The following PDZRN4 variants were observed in gnomAD, a reference collection of about 807,000 sequenced individuals.
PDZRN4 encodes the protein PDZ domain-containing RING finger protein 4.
A neutral mutation model predicts 99.0 loss-of-function variants in PDZRN4; 70 were observed. That is an observed-to-expected ratio of 0.71 (90% confidence interval 0.58 to 0.86). The LOEUF (loss-of-function observed/expected upper bound fraction) is 0.86, where lower values mean the gene tolerates loss of function less well. Ranked by LOEUF, PDZRN4 falls within the 40% of genes least tolerant of loss-of-function variation. PDZRN4 has a pLI of 0.00. For missense variants in PDZRN4, 1,474 were observed against 1,331.2 expected (o/e 1.11, Z -1.67); for synonymous variants, 551 against 501.6 (o/e 1.10, Z -1.32).
intron 3 of PDZRN4, among the ~76,000 whole-genome samples, chr12:41,343,329 T>A (rs1462624572): frequency 2.0e-5 from 3 of 152,032 alleles, no homozygotes; most frequent in African/African-American, 7.2e-5. Flanking sequence ...TACTTGAAAC[T>A]TCTCTCTTCT....
At chr12:41,473,756 T>C (rs1372143671) in intron 3 of PDZRN4, among the ~76,000 whole-genome samples, 1 of 152,200 alleles carries the variant, frequency 6.6e-6, no homozygotes, top group African/African-American at 2.4e-5. Flanking sequence ...CTCTACCTCT[T>C]ATATCCAGTG....
chr12:41,410,532 A>G (rs1300710011), intron 3 of PDZRN4, among the ~76,000 whole-genome samples: 1 of 152,204 alleles, frequency 6.6e-6, no homozygotes, highest in Non-Finnish European at 1.5e-5. Context: ...GCCAGGCTGA[A>G]GTGAAATGCT....
intron 3 of PDZRN4, among the ~76,000 whole-genome samples, chr12:41,426,867 C>A (rs145953805): frequency 1.3e-5 from 2 of 152,090 alleles, no homozygotes; most frequent in African/African-American, 4.8e-5. Context: ...CTGTGGGATG[C>A]GTAAAAATGC....
chr12:41,572,637 C>G lies in PDZRN4; in HGVS notation c.1858C>G (p.Pro620Ala). 6.2e-7 allele frequency: 1 copy of G among 1,614,092 alleles called. No individual in the cohort carries two copies. The highest frequency in any genetic ancestry group is 8.5e-7 in the Non-Finnish European group (1 of 1,180,002). Residue 620 changes from proline to alanine, a missense_variant, in exon 10 of 10, where the codon CCA becomes GCA. Coordinates refer to ENST00000402685, the MANE Select transcript of PDZRN4 (RefSeq NM_001164595.2). ...CATTGACTCAGACTGCATTGGCAAC[C>G]CAGATGAGGACTGTGAAAGATTCAG... ...EYIDSDCIGN[P>A]DEDCERFRQL...
At chr12:41,336,262 C>A (rs192056126) in intron 3 of PDZRN4, among the ~76,000 whole-genome samples, 41 of 152,188 alleles carry the variant, frequency 2.7e-4, no homozygotes, top group African/African-American at 8.7e-4. Flanking sequence ...TAAGTAGATG[C>A]TTTGGGAAAG....
chr12:41,391,620 C>T (rs1047131166), intron 3 of PDZRN4, among the ~76,000 whole-genome samples: 1 of 152,268 alleles, frequency 6.6e-6, no homozygotes, highest in East Asian at 1.9e-4. Flanking sequence ...TTTGGACCCA[C>T]TTCTAACCGA....
At position 41,399,999 on chromosome 12, in the gene PDZRN4, C is replaced by T. The variant is rs928558577; in HGVS notation, c.844-106457C>T. Among the ~76,000 whole-genome samples the T allele has an allele frequency of 5.3e-5, 8 of 152,108 alleles. No homozygotes were observed. In the South Asian group the frequency reaches 8.3e-4, roughly 16 times the overall value. Reference sequence around the variant, plus strand: ...GAGAGAACGTTATGGCCCTCTGTACCGGCTTCATATGTAAAATGTTGATCT... The same window carrying T: ...GAGAGAACGTTATGGCCCTCTGTACTGGCTTCATATGTAAAATGTTGATCT... On this transcript the variant is annotated intron_variant, in intron 3 of 9. Transcript: ENST00000402685.
intron 3 of PDZRN4, among the ~76,000 whole-genome samples, chr12:41,380,561 C>T (rs1327371319): frequency 1.3e-5 from 2 of 151,930 alleles, no homozygotes; most frequent in Non-Finnish European, 2.9e-5. Flanking sequence ...ATAGTTATAA[C>T]GTCCTACTTA....
At chr12:41,257,591 C>T (rs544911688) in intron 3 of PDZRN4, among the ~76,000 whole-genome samples, 77 of 152,234 alleles carry the variant, frequency 5.1e-4, no homozygotes, top group African/African-American at 1.4e-3. Context: ...CAATATTTAA[C>T]GGCCAGTGGA....
intron 3 of PDZRN4, among the ~76,000 whole-genome samples, chr12:41,438,502 T>C (rs1952651070): frequency 6.6e-6 from 1 of 152,188 alleles, no homozygotes; most frequent in Non-Finnish European, 1.5e-5. Context: ...GAGGAAGACC[T>C]AGTAATTTTG....
intron 3 of PDZRN4, among the ~76,000 whole-genome samples, chr12:41,364,403 T>A (rs191034914): frequency 2.0e-5 from 3 of 152,052 alleles, no homozygotes; most frequent in Admixed American, 6.6e-5. Context: ...ATGGATGAAG[T>A]GGGGTGACAG....
chr12:41,536,718 G>T (rs1223389139), intron 5 of PDZRN4, among the ~76,000 whole-genome samples: 4 of 148,358 alleles, frequency 2.7e-5, no homozygotes, highest in African/African-American at 1.0e-4. Context: ...AAATTTTTCT[G>T]TGAACTTAAA....
chr12:41,520,679 C>T (rs952785603), intron 5 of PDZRN4, among the ~76,000 whole-genome samples: 4 of 151,152 alleles, frequency 2.6e-5, no homozygotes, highest in Admixed American at 2.0e-4. Context: ...CTAACTCAGC[C>T]GCATTATTGG....
At chr12:41,301,098 G>A (rs12312229) in intron 3 of PDZRN4, among the ~76,000 whole-genome samples, 2,387 of 151,960 alleles carry the variant, frequency 0.016, 34 homozygotes, top group African/African-American at 0.043. Flanking sequence ...ACAGTTATTA[G>A]CTTATAGATG....
At chr12:41,288,990 G>A (rs1241856565) in intron 3 of PDZRN4, among the ~76,000 whole-genome samples, 3 of 151,560 alleles carry the variant, frequency 2.0e-5, no homozygotes, top group Admixed American at 6.6e-5. Flanking sequence ...TTCTCCTATG[G>A]TAACAAAGAT....
At chr12:41,373,955 G>A (rs148845859) in intron 3 of PDZRN4, among the ~76,000 whole-genome samples, 64 of 152,190 alleles carry the variant, frequency 4.2e-4, no homozygotes, top group African/African-American at 1.3e-3. Context: ...CCCTCCGTTC[G>A]GGGTCCCTGA....
At chr12:41,555,013 CCGGG>C (rs1186510692) in intron 6 of PDZRN4, among the ~76,000 whole-genome samples, 3 of 145,250 alleles carry the variant, frequency 2.1e-5, no homozygotes, top group African/African-American at 5.2e-5. Flanking sequence ...TCAAGACCAT[CCGGG>C]CTAACACGGT....
intron 3 of PDZRN4, among the ~76,000 whole-genome samples, chr12:41,399,438 T>C (rs1479647382): frequency 2.0e-5 from 3 of 152,088 alleles, no homozygotes; most frequent in Admixed American, 6.6e-5. Flanking sequence ...ATTAATAGGG[T>C]TTTAAAAGTA....
At chr12:41,289,930 G>T (rs1212242017) in intron 3 of PDZRN4, among the ~76,000 whole-genome samples, 1 of 152,190 alleles carries the variant, frequency 6.6e-6, no homozygotes, top group Non-Finnish European at 1.5e-5. Flanking sequence ...AATTCTGACT[G>T]CATAGTGGAT....
Sources: allele counts gnomAD v4.1 joint callset (sites outside exome capture counted in the v4.1 genomes callset), GRCh38; gene constraint gnomAD v4.1.1; transcripts MANE v1.5; gene names NCBI Gene and HGNC (gene_info 2026-07-23, HGNC 2026-07-21).